SYTL2: variants seen among roughly 807,000 people sequenced by gnomAD.
SYTL2 encodes the protein synaptotagmin-like protein 2.
SYTL2 carries 165 observed loss-of-function variants against 198.7 expected under a neutral mutation model. The ratio of observed to expected loss-of-function variants is 0.83; its 90% CI spans 0.73 to 0.94. The LOEUF is 0.94. Among genes scored for constraint, SYTL2 ranks in the 40% least tolerant of loss-of-function variants. SYTL2 has a pLI of 0.00. For synonymous variants in SYTL2, 966 were observed against 917.7 expected, an observed-to-expected ratio of 1.05 and a Z score of -0.95; for missense variants, 2,835 against 2,582.8, an observed-to-expected ratio of 1.10 and a Z score of -2.12.
intron 1 of SYTL2, among the ~76,000 whole-genome samples, chr11:85,785,826 T>C (rs1180398074): frequency 2.0e-5 from 3 of 152,202 alleles, no homozygotes; most frequent in African/African-American, 7.2e-5. Flanking sequence ...GCTCAAAAAA[T>C]ACCTGTTGAA....
At chr11:85,736,078 G>A (rs1001007644) in intron 6 of SYTL2, among the ~76,000 whole-genome samples, 2 of 152,218 alleles carry the variant, frequency 1.3e-5, no homozygotes, top group South Asian at 2.1e-4. Flanking sequence ...GCTTTTGGGC[G>A]GCTGGGCTGA....
intron 14 of SYTL2, among the ~76,000 whole-genome samples, chr11:85,708,463 G>A (rs912448002): frequency 6.6e-5 from 10 of 151,814 alleles, no homozygotes; most frequent in Admixed American, 6.6e-4. Flanking sequence ...ACCATTCAGC[G>A]TTTGCAAAAA....
At chr11:85,802,688 G>T (rs749480808) in intron 1 of SYTL2, among the ~76,000 whole-genome samples, 1 of 152,162 alleles carries the variant, frequency 6.6e-6, no homozygotes, top group Non-Finnish European at 1.5e-5. Context: ...GGAAGAAAAG[G>T]AAAATGAATA....
At chr11:85,757,438 A>ATTG (rs2091929612) in intron 2 of SYTL2, among the ~76,000 whole-genome samples, 187 bp downstream of exon 2, 1 of 152,212 alleles carries the variant, frequency 6.6e-6, no homozygotes, top group African/African-American at 2.4e-5. Flanking sequence ...GTAGGAGTCC[A>ATTG]GTAGGATAAA....
At chr11:85,737,690 C>A in intron 4 of SYTL2, 34 bp from the exon 5 acceptor site, 8 of 1,570,246 alleles carry the variant, frequency 5.1e-6, no homozygotes, top group South Asian at 1.1e-5. Flanking sequence ...AGAATAAAAC[C>A]TCACCTTTTG....
At chr11:85,712,185 T>C (rs1371650136) in intron 12 of SYTL2, among the ~76,000 whole-genome samples, 1 of 152,204 alleles carries the variant, frequency 6.6e-6, no homozygotes, top group Non-Finnish European at 1.5e-5. Flanking sequence ...CCAATTGTAA[T>C]GCAGATTAAT....
chr11:85,714,776 C>A, intron 11 of SYTL2: 1 of 842,450 alleles, frequency 1.2e-6, no homozygotes, highest in South Asian at 2.7e-5. Flanking sequence ...TGGAGCTGCA[C>A]TTGAATCAAA....
chr11:85,718,096 C>T (rs1337151846), intron 10 of SYTL2: 2 of 168,702 alleles, frequency 1.2e-5, no homozygotes, highest in African/African-American at 4.8e-5. Context: ...AATTTAACAA[C>T]AAGTAAATAA....
the SYTL2 span, among the ~76,000 whole-genome samples, chr11:85,842,034 A>T: frequency 6.6e-6 from 1 of 152,210 alleles, no homozygotes; most frequent in South Asian, 2.1e-4. Flanking sequence ...TTTACATGTC[A>T]GGCCCTGTGC....
At chr11:85,794,055 A>G (rs185078613) in intron 1 of SYTL2, among the ~76,000 whole-genome samples, 9 of 152,254 alleles carry the variant, frequency 5.9e-5, no homozygotes, top group Admixed American at 2.0e-4. Flanking sequence ...TTTCTTGTAG[A>G]GACAGGGTCT....
At chr11:85,818,443 C>T in the SYTL2 span, among the ~76,000 whole-genome samples, 3 of 151,916 alleles carry the variant, frequency 2.0e-5, no homozygotes, top group Non-Finnish European at 2.9e-5. Context: ...TATTTCCTTG[C>T]TTTTTATATT....
rs2083237405 is a variant in SYTL2 at position 85,695,170 on chromosome 11, G to A, written c.*25C>T. On this transcript the variant is annotated 3_prime_UTR_variant, in exon 20 of 20. Coordinates refer to ENST00000359152, the MANE Select transcript of SYTL2 (RefSeq NM_206927.4). Reference sequence around the variant, plus strand: ...GATTCCACCGGTTTAGTAGTTTTCAGTGGAGGAGCCAGTGGAATTTGGGCT... The same window carrying A: ...GATTCCACCGGTTTAGTAGTTTTCAATGGAGGAGCCAGTGGAATTTGGGCT... 1 of 1,602,700 alleles carries A rather than the reference G, an allele frequency of 6.2e-7. No individual in the cohort carries two copies. The highest frequency in any genetic ancestry group is 8.5e-7 in the Non-Finnish European group (1 of 1,173,606).
At chr11:85,825,257 G>A in the SYTL2 span, among the ~76,000 whole-genome samples, 1 of 151,352 alleles carries the variant, frequency 6.6e-6, no homozygotes, top group Admixed American at 6.6e-5. Flanking sequence ...GCGTAGTGGC[G>A]GGCGCCTGTA....
chr11:85,760,333 G>A (rs1006438418), intron 1 of SYTL2, among the ~76,000 whole-genome samples: 7 of 152,198 alleles, frequency 4.6e-5, no homozygotes, highest in African/African-American at 1.4e-4. Flanking sequence ...GCAGGAACCT[G>A]CTAATACAAA....
Position 85,726,069 on chromosome 11 carries a change from C to T in SYTL2, c.3289G>A (p.Gly1097Arg). The change falls in exon 8 of 20, where the codon GGG (glycine) becomes AGG (arginine). Residue 1097 changes from glycine (G) to arginine (R), a missense_variant. Physicochemically the swap from Gly to Arg is moderately radical, Grantham distance 125 (BLOSUM62 -2). Coordinates refer to ENST00000359152, the MANE Select transcript of SYTL2 (RefSeq NM_206927.4). ...TCCTTAAACACTGGAGTAACAATCCCTTCCGTATTCTTTTCCACATTTTCC... is the reference window on the plus strand; with the variant it reads ...TCCTTAAACACTGGAGTAACAATCCTTTCCGTATTCTTTTCCACATTTTCC... Reference protein sequence around the residue: ...SKENVEKNTEGIVTPVFKEEK... With the variant: ...SKENVEKNTERIVTPVFKEEK... 1.2e-6 allele frequency: 2 copies of T among 1,613,318 alleles called. No individual in the cohort carries two copies. The highest frequency in any genetic ancestry group is 8.5e-7 in the Non-Finnish European group (1 of 1,179,656).
chr11:85,784,909 C>A (rs1231175926), intron 1 of SYTL2, among the ~76,000 whole-genome samples: 2 of 152,074 alleles, frequency 1.3e-5, no homozygotes, highest in African/African-American at 4.8e-5. Context: ...TTTCTTTCAT[C>A]CTCGGAATCA....
intron 2 of SYTL2, among the ~76,000 whole-genome samples, chr11:85,748,910 T>C (rs527285918): frequency 9.2e-5 from 14 of 152,322 alleles, no homozygotes; most frequent in Non-Finnish European, 1.5e-4. Flanking sequence ...GGGGTAGTCA[T>C]TAGCTCATCA....
the SYTL2 span, among the ~76,000 whole-genome samples, chr11:85,838,605 G>C: frequency 0.033 from 5,088 of 152,166 alleles, 104 homozygotes; most frequent in African/African-American, 0.058. Context: ...ACAAGTGCGA[G>C]AGAGTGCCAG....
At chr11:85,789,244 A>T (rs1041136380) in intron 1 of SYTL2, among the ~76,000 whole-genome samples, 1 of 144,392 alleles carries the variant, frequency 6.9e-6, no homozygotes, top group Non-Finnish European at 1.5e-5. Flanking sequence ...CTACAGGCAC[A>T]CACCACCATA....
Sources: allele counts gnomAD v4.1 joint callset (sites outside exome capture counted in the v4.1 genomes callset), GRCh38; gene constraint gnomAD v4.1.1; transcripts MANE v1.5; gene names NCBI Gene and HGNC (gene_info 2026-07-23, HGNC 2026-07-21).